PI4K2B: variants seen among roughly 807,000 people sequenced by gnomAD.
The protein encoded by PI4K2B is phosphatidylinositol 4-kinase type 2 beta.
Under a neutral mutation model 56.6 loss-of-function variants are expected in PI4K2B, and 46 were observed. The observed-to-expected ratio is 0.81, with a 90% CI of 0.64 to 1.04. PI4K2B has a LOEUF of 1.04. Among genes scored for constraint, PI4K2B ranks in the 50% least tolerant of loss-of-function variants. The pLI is 0.00. For synonymous variants in PI4K2B, 211 were observed against 223.8 expected (o/e 0.94, Z 0.51); for missense variants, 556 against 607.7 (o/e 0.91, Z 0.89).
intron 1 of PI4K2B, among the ~76,000 whole-genome samples, chr4:25,239,989 C>T (rs924839490): frequency 6.6e-6 from 1 of 152,232 alleles, no homozygotes; most frequent in Non-Finnish European, 1.5e-5. Flanking sequence ...TAGTTGAACT[C>T]ATTTGGGGTT....
At position 25,234,440 on chromosome 4, in the gene PI4K2B, C is replaced by T. The variant is rs1310619699; in HGVS notation, c.268+9C>T. Reference sequence around the variant, plus strand: ...CCGCCCCGCGGTTTCAGGTGCGACCCGGCCCTGCCCCACTCCCCGCGCCCC... The same window carrying T: ...CCGCCCCGCGGTTTCAGGTGCGACCTGGCCCTGCCCCACTCCCCGCGCCCC... On this transcript the variant is annotated intron_variant, in intron 1 of 9. Coordinates refer to ENST00000264864, the MANE Select transcript of PI4K2B (RefSeq NM_018323.4). The T allele has an allele frequency of 3.4e-5, 44 of 1,288,418 alleles. No individual in the cohort carries two copies. The Admixed American group carries it at 1.7e-3, about 51-fold the overall frequency. 79.8% of individuals were successfully genotyped at this position (1,288,418 alleles called of 1,614,324 possible). A position where few individuals can be genotyped will look rare whatever the true frequency, so the allele number is the denominator to read the frequency against.
At chr4:25,247,391 A>G (rs1240378899) in intron 1 of PI4K2B, among the ~76,000 whole-genome samples, 3 of 120,690 alleles carry the variant, frequency 2.5e-5, no homozygotes, top group Admixed American at 1.6e-4. Flanking sequence ...AAATATTTTG[A>G]GTGCCTACTG....
At chr4:25,242,542 G>A (rs1715571091) in intron 1 of PI4K2B, among the ~76,000 whole-genome samples, 3 of 152,144 alleles carry the variant, frequency 2.0e-5, no homozygotes, top group African/African-American at 7.2e-5. Flanking sequence ...ATTGGGGTTG[G>A]GTACCACTGG....
chr4:25,236,255 A>T (rs907435927), intron 1 of PI4K2B, among the ~76,000 whole-genome samples: 3 of 112,956 alleles, frequency 2.7e-5, no homozygotes, highest in South Asian at 2.9e-4. Context: ...ATAAATAAAT[A>T]AATTTTATTC....
chr4:25,275,452 C>G (rs1435862615), intron 9 of PI4K2B, among the ~76,000 whole-genome samples: 2 of 152,054 alleles, frequency 1.3e-5, no homozygotes, highest in African/African-American at 4.8e-5. Context: ...TCTCTCGAGC[C>G]TAGGAGTTCA....
At chr4:25,237,586 G>A (rs898849916) in intron 1 of PI4K2B, among the ~76,000 whole-genome samples, 7 of 152,154 alleles carry the variant, frequency 4.6e-5, no homozygotes, top group Non-Finnish European at 1.0e-4. Context: ...GGCTGGTCTC[G>A]AACTCCTGAC....
chr4:25,235,032 C>G (rs1457337600), intron 1 of PI4K2B, among the ~76,000 whole-genome samples: 1 of 152,220 alleles, frequency 6.6e-6, no homozygotes, highest in African/African-American at 2.4e-5. Context: ...CGAAAAACCT[C>G]TTTTCGCTAT....
intron 1 of PI4K2B, among the ~76,000 whole-genome samples, chr4:25,239,962 T>G (rs1257084189): frequency 6.6e-6 from 1 of 152,174 alleles, no homozygotes; most frequent in Non-Finnish European, 1.5e-5. Context: ...GGTCCAGGGG[T>G]CCTCAGTAGA....
intron 1 of PI4K2B, among the ~76,000 whole-genome samples, chr4:25,240,265 G>T (rs1007564719): frequency 1.3e-5 from 2 of 152,192 alleles, no homozygotes; most frequent in African/African-American, 4.8e-5. Context: ...CCCTAAGAAG[G>T]TGCAGAGTCC....
intron 1 of PI4K2B, among the ~76,000 whole-genome samples, chr4:25,252,037 C>A (rs1716077640): frequency 6.6e-6 from 1 of 152,136 alleles, no homozygotes; most frequent in African/African-American, 2.4e-5. Flanking sequence ...GTTGGCCAGG[C>A]TGGTCTTGAA....
chr4:25,270,334 G>T (rs554752372), intron 9 of PI4K2B, among the ~76,000 whole-genome samples: 123 of 151,068 alleles, frequency 8.1e-4, no homozygotes, highest in Middle Eastern at 3.4e-3. Flanking sequence ...TGTTTTTTTG[G>T]TTTTTTTTCT....
At chr4:25,234,530 G>A (rs961106386) in intron 1 of PI4K2B, 99 bp downstream of exon 1, 6 of 861,070 alleles carry the variant, frequency 7.0e-6, no homozygotes, top group Admixed American at 8.8e-5. Context: ...CGAGGTGGAC[G>A]GGCTTTCCCC....
chr4:25,262,208 G>T (rs539911606), intron 6 of PI4K2B, among the ~76,000 whole-genome samples: 12 of 152,288 alleles, frequency 7.9e-5, no homozygotes, highest in Non-Finnish European at 2.9e-5. Flanking sequence ...GGACATGGTG[G>T]CAGGCACCTG....
At chr4:25,250,190 G>C (rs530415899) in intron 1 of PI4K2B, among the ~76,000 whole-genome samples, 10 of 152,156 alleles carry the variant, frequency 6.6e-5, no homozygotes, top group Admixed American at 3.3e-4. Context: ...CCTCGGCTCC[G>C]CATCAGAGGG....
chr4:25,260,639 T>TACACAC (rs1222892257), intron 6 of PI4K2B, 48 bp downstream of exon 6: 4 of 58,364 alleles, frequency 6.9e-5, no homozygotes, highest in South Asian at 4.0e-4. Context: ...TATATATATA[T>TACACAC]ATACACACAC....
rs1717192177 is a variant in PI4K2B, at chr4:25,278,626, C to T, written c.*1439C>T. 1 of 152,598 alleles carries T rather than the reference C, an allele frequency of 6.6e-6. No individual in the cohort carries two copies. The highest frequency in any genetic ancestry group is 1.5e-5 in the Non-Finnish European group (1 of 68,026). The allele number at this position is 152,598 out of a possible 1,614,324, so 9.5% of individuals were successfully genotyped here. On this transcript the variant is annotated 3_prime_UTR_variant, in exon 10 of 10. Transcript: ENST00000264864. ...ACCTGCGTTCTCCTACCTCTTCCAA[C>T]CCTCCATTAGCTCAATTTTGAGATA...
chr4:25,240,135 A>G (rs1314798982), intron 1 of PI4K2B, among the ~76,000 whole-genome samples: 1 of 152,208 alleles, frequency 6.6e-6, no homozygotes. Flanking sequence ...GGGAGAAGTC[A>G]TGTTGCCCAA....
At chr4:25,238,365 A>G (rs972354681) in intron 1 of PI4K2B, among the ~76,000 whole-genome samples, 24 of 152,226 alleles carry the variant, frequency 1.6e-4, no homozygotes, top group Non-Finnish European at 2.9e-5. Context: ...GATTAATTTC[A>G]TAAAGGTAGT....
rs79515535 is a variant in PI4K2B, at chr4:25,264,591, G to A, written c.1078+742G>A. On this transcript the variant is annotated intron_variant, in intron 7 of 9. Coordinates refer to ENST00000264864, the MANE Select transcript of PI4K2B (RefSeq NM_018323.4). ...ATTTGTATGTGTTTAAAATATATGG[G>A]CCAGGCATGGTGGCTCACACCTGTA... is the stretch of plus-strand genomic sequence containing the variant. Among the ~76,000 whole-genome samples the A allele has an allele frequency of 0.015, 2,220 of 152,278 alleles. 127 individuals carry two copies. The East Asian group carries it at 0.18, about 12-fold the overall frequency.
Sources: allele counts gnomAD v4.1 joint callset (sites outside exome capture counted in the v4.1 genomes callset), GRCh38; gene constraint gnomAD v4.1.1; transcripts MANE v1.5; gene names NCBI Gene and HGNC (gene_info 2026-07-23, HGNC 2026-07-21).